Variants in WWOX observed in about 807,000 individuals in gnomAD.
The protein encoded by WWOX is WW domain-containing oxidoreductase.
Under a neutral mutation model 46.2 loss-of-function variants are expected in WWOX, and 69 were observed. The ratio of observed to expected loss-of-function variants is 1.49; its 90% CI spans 1.23 to 1.82. The LOEUF is 1.82. Among genes scored for constraint, WWOX ranks in the 40% most tolerant of loss-of-function variants. WWOX has a pLI of 0.00. For missense variants in WWOX, 919 were observed against 542.6 expected, an observed-to-expected ratio of 1.69 and a Z score of -6.89; for synonymous variants, 359 against 202.6, an observed-to-expected ratio of 1.77 and a Z score of -6.56.
intron 5 of WWOX, among the ~76,000 whole-genome samples, chr16:78,354,440 C>T (rs1199232924): frequency 1.3e-5 from 2 of 151,706 alleles, no homozygotes; most frequent in African/African-American, 2.4e-5. Flanking sequence ...GCCCGTTAAT[C>T]CGCTCATTAC....
chr16:78,677,452 A>C (rs1448419649), intron 8 of WWOX, among the ~76,000 whole-genome samples: 4 of 152,202 alleles, frequency 2.6e-5, no homozygotes, highest in Non-Finnish European at 5.9e-5. Context: ...TTCACAAAAA[A>C]AATTCGGATT....
intron 8 of WWOX, among the ~76,000 whole-genome samples, chr16:78,878,381 A>G (rs1168160353): frequency 2.0e-5 from 3 of 152,182 alleles, no homozygotes; most frequent in Non-Finnish European, 4.4e-5. Context: ...TAAAGTAATT[A>G]TCATAACTTT....
chr16:78,516,786 G>C (rs1277097447), intron 8 of WWOX, among the ~76,000 whole-genome samples: 1 of 152,150 alleles, frequency 6.6e-6, no homozygotes, highest in African/African-American at 2.4e-5. Flanking sequence ...AAAATCCGTG[G>C]CAAGGTACCT....
rs532898544 is a variant in WWOX at position 78,104,341 on chromosome 16, A to G, written c.108-4082A>G. Among the ~76,000 whole-genome samples, 475 of 139,336 alleles carry G rather than the reference A, an allele frequency of 3.4e-3. 5 individuals carry two copies. The highest frequency in any genetic ancestry group is 0.011 in the African/African-American group (438 of 38,394). The allele number at this position is 139,336 out of a possible 152,430, so 91.4% of individuals were successfully genotyped here. On this transcript the variant is annotated intron_variant, in intron 1 of 8. Coordinates refer to ENST00000566780, the MANE Select transcript of WWOX (RefSeq NM_016373.4). Reference sequence around the variant, plus strand: ...CTGTGCTCAAAAAACACACGCACGCACGCACGCATGCACGCACATACACAC... The same window carrying G: ...CTGTGCTCAAAAAACACACGCACGCGCGCACGCATGCACGCACATACACAC...
chr16:78,105,072 A>C (rs927826099), intron 1 of WWOX, among the ~76,000 whole-genome samples: 3 of 152,182 alleles, frequency 2.0e-5, no homozygotes, highest in African/African-American at 7.2e-5. Context: ...GACGGCTGGC[A>C]ATGTCTGGAG....
At chr16:79,021,735 A>G (rs1334848764) in intron 8 of WWOX, among the ~76,000 whole-genome samples, 2 of 152,224 alleles carry the variant, frequency 1.3e-5, no homozygotes, top group African/African-American at 4.8e-5. Flanking sequence ...AGTGAAAAAT[A>G]AAGATGTAAC....
chr16:78,389,171 C>T (rs992237022), intron 6 of WWOX, among the ~76,000 whole-genome samples: 4 of 152,178 alleles, frequency 2.6e-5, no homozygotes, highest in Non-Finnish European at 5.9e-5. Context: ...TCCTTTGCAG[C>T]GCTTGGCTGT....
At chr16:79,051,562 C>T (rs62040125) in intron 8 of WWOX, among the ~76,000 whole-genome samples, 20,037 of 110,284 alleles carry the variant, frequency 0.18, 1,705 homozygotes, top group Middle Eastern at 0.23. Context: ...ATATAGTTTG[C>T]TGTGTGCTGG....
chr16:78,343,218 G>A (rs545527303), intron 5 of WWOX, among the ~76,000 whole-genome samples: 1 of 119,696 alleles, frequency 8.4e-6, no homozygotes, highest in African/African-American at 2.8e-5. Flanking sequence ...CGATGTGGAG[G>A]GTCTTCTTAT....
In WWOX at chr16:78,114,743, G is replaced by A. The variant is rs7200257; in HGVS notation, c.231-233G>A. Among the ~76,000 whole-genome samples, 6,661 of 151,946 alleles carry A rather than the reference G, an allele frequency of 0.044. 343 individuals carry two copies. The highest frequency in any genetic ancestry group is 0.12 in the African/African-American group (4,881 of 41,244). On this transcript the variant is annotated intron_variant, in intron 3 of 8. Transcript: ENST00000566780. Reference sequence around the variant, plus strand: ...ATGGCAATAGTTATTGTATGTTACAGCGTATGTTATAGGCAGTTCTGAAGG... The same window carrying A: ...ATGGCAATAGTTATTGTATGTTACAACGTATGTTATAGGCAGTTCTGAAGG...
chr16:78,867,919 C>T (rs1480440852), intron 8 of WWOX, among the ~76,000 whole-genome samples: 2 of 152,164 alleles, frequency 1.3e-5, no homozygotes, highest in Non-Finnish European at 2.9e-5. Flanking sequence ...AGAACTAGAA[C>T]TGTCATTCAC....
Position 78,342,110 on chromosome 16 carries a change from T to C in WWOX, c.517-44750T>C, listed in dbSNP as rs199626732. Reference sequence around the variant, plus strand: ...TAATTTAGGCAGCAGAATGAGACTATGTCTCAAGAAAATGTTCAAGAAGAA... The same window carrying C: ...TAATTTAGGCAGCAGAATGAGACTACGTCTCAAGAAAATGTTCAAGAAGAA... On this transcript the variant is annotated intron_variant, in intron 5 of 8. Transcript: ENST00000566780. Among the ~76,000 whole-genome samples, 25 of 121,318 alleles carry C rather than the reference T, an allele frequency of 2.1e-4. 2 individuals carry two copies. The East Asian group carries it at 2.9e-3, about 14-fold the overall frequency. The allele number at this position is 121,318 out of a possible 152,430, so 79.6% of individuals were successfully genotyped here.
rs553245072 is a variant in WWOX, at chr16:78,613,669, C to G, written c.1056+180917C>G. Among the ~76,000 whole-genome samples, 3 of 152,246 alleles carry G rather than the reference C, an allele frequency of 2.0e-5. No homozygotes were observed. The East Asian group carries it at 5.8e-4, about 29-fold the overall frequency. On this transcript the variant is annotated intron_variant, in intron 8 of 8. Coordinates refer to ENST00000566780, the MANE Select transcript of WWOX (RefSeq NM_016373.4). The stretch of plus-strand genomic sequence containing the variant: ...ATTGCTAGAGATGGCTGCAGAATAC[C>G]TGGGAAAGCTAGCTAAGCAGTGACT...
rs200566063 is a variant in WWOX at position 79,211,840 on chromosome 16, G to A, written c.*44G>A. 2 of 1,611,590 alleles carry A rather than the reference G, an allele frequency of 1.2e-6. No homozygotes were observed. Among genetic ancestry groups the A allele is most frequent in the Non-Finnish European group, 1.7e-6 (2 of 1,179,260 alleles). On this transcript the variant is annotated 3_prime_UTR_variant, in exon 9 of 9. Transcript: ENST00000566780. ...GGGCACACACACCCGCCCTGTGTGT[G>A]TCCCCTCACGCAAGTGCCAGGGCTG...
chr16:78,398,345 C>G (rs1042170777), intron 6 of WWOX, among the ~76,000 whole-genome samples: 3 of 152,204 alleles, frequency 2.0e-5, no homozygotes, highest in Non-Finnish European at 4.4e-5. Flanking sequence ...GATCCTGACT[C>G]TGAGCCTTTG....
chr16:78,463,386 C>A (rs1443869037), intron 8 of WWOX, among the ~76,000 whole-genome samples: 1 of 152,122 alleles, frequency 6.6e-6, no homozygotes, highest in African/African-American at 2.4e-5. Flanking sequence ...CTAGGGTGTC[C>A]AACTGCTAAT....
intron 8 of WWOX, among the ~76,000 whole-genome samples, chr16:78,533,247 A>G (rs2043668008): frequency 6.6e-6 from 1 of 152,124 alleles, no homozygotes; most frequent in Non-Finnish European, 1.5e-5. Context: ...TGGAAGGAAA[A>G]TTAGAAAACT....
At chr16:78,143,936 C>T (rs1287480291) in intron 4 of WWOX, among the ~76,000 whole-genome samples, 1 of 151,646 alleles carries the variant, frequency 6.6e-6, no homozygotes, top group African/African-American at 2.4e-5. Context: ...TACATTTTCA[C>T]TTTAAAAAAA....
intron 8 of WWOX, among the ~76,000 whole-genome samples, chr16:79,024,903 C>T (rs2047607043): frequency 6.6e-6 from 1 of 152,176 alleles, no homozygotes; most frequent in African/African-American, 2.4e-5. Flanking sequence ...GAATGGGAGT[C>T]AGGCTGGTGA....
Sources: gnomAD v4.1 joint callset for allele counts (sites outside exome capture counted in the v4.1 genomes callset) on GRCh38, gnomAD v4.1.1 for gene constraint, MANE v1.5 for transcripts, NCBI Gene and HGNC (gene_info 2026-07-23, HGNC 2026-07-21) for gene names.